CREB5: variants seen among roughly 807,000 people sequenced by gnomAD.
The protein encoded by CREB5 is cyclic AMP-responsive element-binding protein 5.
In CREB5, 19 loss-of-function variants were observed where a neutral mutation model predicts 57.1. The observed-to-expected ratio is 0.33, with a 90% CI of 0.23 to 0.49. The LOEUF is 0.49. CREB5 is among the 20% of genes least tolerant of loss of function. The pLI is 0.99. For synonymous variants in CREB5, 238 were observed against 238.3 expected, an observed-to-expected ratio of 1.00 and a Z score of 0.01; for missense variants, 579 against 671.6, an observed-to-expected ratio of 0.86 and a Z score of 1.52.
chr7:28,517,917 T>C (rs1793043335), intron 4 of CREB5, among the ~76,000 whole-genome samples: 1 of 152,158 alleles, frequency 6.6e-6, no homozygotes, highest in South Asian at 2.1e-4. Flanking sequence ...AATTTGCTAA[T>C]AGAACTCACT....
intron 1 of CREB5, among the ~76,000 whole-genome samples, chr7:28,385,225 C>T (rs1005501754): frequency 2.6e-5 from 4 of 152,112 alleles, no homozygotes; most frequent in Non-Finnish European, 5.9e-5. Context: ...GAAAACAGTT[C>T]TTACCTGGCA....
chr7:28,742,125 T>C (rs895027010), intron 7 of CREB5, among the ~76,000 whole-genome samples: 1 of 151,372 alleles, frequency 6.6e-6, no homozygotes, highest in Non-Finnish European at 1.5e-5. Flanking sequence ...TAACATATTA[T>C]GACTTTTTGA....
At chr7:28,691,420 CAA>C (rs60338671) in intron 5 of CREB5, among the ~76,000 whole-genome samples, 52 of 92,534 alleles carry the variant, frequency 5.6e-4, no homozygotes, top group Admixed American at 6.8e-4. Context: ...ACTCTGTCTC[CAA>C]AAAAAAAAAA....
intron 3 of CREB5, among the ~76,000 whole-genome samples, chr7:28,497,732 A>G (rs1217820666): frequency 1.3e-5 from 2 of 152,172 alleles, no homozygotes; most frequent in Non-Finnish European, 2.9e-5. Context: ...CCTGAATTAT[A>G]ATAGGCTATT....
chr7:28,484,696 A>T (rs1426030824), intron 1 of CREB5, among the ~76,000 whole-genome samples: 2 of 152,354 alleles, frequency 1.3e-5, no homozygotes, highest in East Asian at 3.9e-4. Context: ...GTTGTAAAAT[A>T]AAATAGTAAC....
At chr7:28,597,249 T>A (rs1796720246) in intron 5 of CREB5, among the ~76,000 whole-genome samples, 1 of 152,230 alleles carries the variant, frequency 6.6e-6, no homozygotes, top group Non-Finnish European at 1.5e-5. Flanking sequence ...TGATCCTCTG[T>A]TATTGCTCTC....
chr7:28,658,953 G>GTATA (rs72106956), intron 5 of CREB5, among the ~76,000 whole-genome samples: 1,382 of 99,560 alleles, frequency 0.014, 93 homozygotes, highest in Middle Eastern at 0.022. Context: ...GTGTGTGTGT[G>GTATA]TATATATATA....
At chr7:28,723,614 T>C (rs1803167937) in intron 6 of CREB5, among the ~76,000 whole-genome samples, 1 of 152,188 alleles carries the variant, frequency 6.6e-6, no homozygotes, top group Non-Finnish European at 1.5e-5. Context: ...CTCAAATGCC[T>C]GGCTGGATCA....
chr7:28,586,683 G>T (rs543755339), intron 5 of CREB5, among the ~76,000 whole-genome samples: 41 of 152,306 alleles, frequency 2.7e-4, no homozygotes, highest in Non-Finnish European at 4.9e-4. Flanking sequence ...TCCAGACCTC[G>T]AAATCATTAA....
intron 1 of CREB5, among the ~76,000 whole-genome samples, chr7:28,426,491 C>T (rs563945942): frequency 1.6e-3 from 251 of 152,332 alleles, no homozygotes; most frequent in Non-Finnish European, 2.3e-3. Flanking sequence ...GACAGATCCA[C>T]TGTGGTTTGT....
At position 28,629,582 on chromosome 7, in the gene CREB5, C is replaced by T. The variant is rs557753481; in HGVS notation, c.464+59045C>T. On this transcript the variant is annotated intron_variant, in intron 5 of 10. Transcript: ENST00000357727. ...ACAGTTGTGTTGCTTTCAGGAAACA[C>T]GTTGGCCTTCTAGGGTTAGGAAGGG... 3.9e-5 allele frequency among the ~76,000 whole-genome samples: 6 copies of T among 152,236 alleles called. No homozygotes were observed. In the East Asian group the frequency reaches 1.2e-3, roughly 29 times the overall value.
At chr7:28,794,338 C>T (rs1033459977) in intron 7 of CREB5, among the ~76,000 whole-genome samples, 11 of 152,176 alleles carry the variant, frequency 7.2e-5, no homozygotes, top group Non-Finnish European at 1.5e-4. Context: ...CAACAGAAAG[C>T]GTTCTTTCTA....
chr7:28,464,496 C>T (rs73075876), intron 1 of CREB5, among the ~76,000 whole-genome samples: 5,023 of 139,772 alleles, frequency 0.036, 297 homozygotes, highest in East Asian at 0.13. Flanking sequence ...TGGAAAGTTG[C>T]GTGTGTGTGT....
Position 28,520,264 on chromosome 7 carries a change from T to C in CREB5, c.291+12527T>C, listed in dbSNP as rs114783306. ...ATAACTTGCTATGCTCACACACTTA[T>C]GCCAACTTCCTCCTTCGTAGTTGTC... On this transcript the variant is annotated intron_variant, in intron 4 of 10. Coordinates refer to ENST00000357727, the MANE Select transcript of CREB5 (RefSeq NM_182898.4). 6.2e-3 allele frequency among the ~76,000 whole-genome samples: 952 copies of C among 152,352 alleles called. 9 individuals carry two copies. Among genetic ancestry groups the C allele is most frequent in the African/African-American group, 0.021 (866 of 41,578 alleles).
intron 8 of CREB5, among the ~76,000 whole-genome samples, chr7:28,807,159 T>C (rs1418058163): frequency 6.6e-6 from 1 of 152,198 alleles, no homozygotes; most frequent in Non-Finnish European, 1.5e-5. Context: ...CTAGAAAATG[T>C]CTTTGCTGGC....
intron 1 of CREB5, among the ~76,000 whole-genome samples, chr7:28,378,453 TTTTAA>T (rs1338548779): frequency 1.1e-4 from 16 of 152,252 alleles, no homozygotes; most frequent in Non-Finnish European, 1.9e-4. Flanking sequence ...AAAAAACTCT[TTTTAA>T]TTTTAGTCTC....
intron 9 of CREB5, among the ~76,000 whole-genome samples, chr7:28,815,727 G>A (rs947283231): frequency 6.6e-5 from 10 of 152,178 alleles, no homozygotes; most frequent in Admixed American, 2.0e-4. Flanking sequence ...TCATTGCCCA[G>A]GACATAGTGG....
At chr7:28,479,653 G>A (rs1223299115) in intron 1 of CREB5, among the ~76,000 whole-genome samples, 1 of 152,152 alleles carries the variant, frequency 6.6e-6, no homozygotes, top group East Asian at 1.9e-4. Context: ...GCTGTCTCAG[G>A]CTCAGAACAC....
At chr7:28,717,062 ATC>A (rs369718748) in intron 5 of CREB5, among the ~76,000 whole-genome samples, 2 of 149,580 alleles carry the variant, frequency 1.3e-5, no homozygotes, top group African/African-American at 4.9e-5. Flanking sequence ...TATCTGCATA[ATC>A]TCTGCGGAAA....
Sources: gnomAD v4.1 joint callset for allele counts (sites outside exome capture counted in the v4.1 genomes callset) on GRCh38, gnomAD v4.1.1 for gene constraint, MANE v1.5 for transcripts, NCBI Gene and HGNC (gene_info 2026-07-23, HGNC 2026-07-21) for gene names.